Variants in MRTFB observed in about 807,000 individuals in gnomAD.
MRTFB encodes the protein myocardin-related transcription factor B.
In MRTFB, 29 loss-of-function variants were observed where a neutral mutation model predicts 104.2. The ratio of observed to expected loss-of-function variants is 0.28; its 90% CI spans 0.21 to 0.38. MRTFB has a LOEUF of 0.38. Ranked by LOEUF, MRTFB falls within the 10% of genes least tolerant of loss-of-function variation. The probability of loss-of-function intolerance (pLI) is 1.00; values close to 1 mark genes in which losing one functional copy is unlikely to be tolerated. For missense variants in MRTFB, 1,270 were observed against 1,341.6 expected, an observed-to-expected ratio of 0.95 and a Z score of 0.83; for synonymous variants, 535 against 519.5, an observed-to-expected ratio of 1.03 and a Z score of -0.41.
intron 3 of MRTFB, chr16:14,141,232 AT>A (rs1567374567): frequency 6.4e-6 from 1 of 155,114 alleles, no homozygotes; most frequent in African/African-American, 2.4e-5. Context: ...GGTATTGGAT[AT>A]AGTCATATTC....
chr16:14,047,037 G>A, the MRTFB span, among the ~76,000 whole-genome samples: 1 of 152,210 alleles, frequency 6.6e-6, no homozygotes, highest in Admixed American at 6.5e-5. Flanking sequence ...AGCGGCTGGA[G>A]ATGTGGTTGT....
At chr16:14,034,062 T>G in the MRTFB span, among the ~76,000 whole-genome samples, 1 of 152,134 alleles carries the variant, frequency 6.6e-6, no homozygotes, top group Non-Finnish European at 1.5e-5. Context: ...CCAGAGCTCC[T>G]AGGGCTCTGC....
At chr16:14,023,612 TACATATACATATAC>T in the MRTFB span, among the ~76,000 whole-genome samples, 2 of 48,064 alleles carry the variant, frequency 4.2e-5, no homozygotes, top group African/African-American at 8.3e-5. Context: ...CACACACACA[TACATATACATATAC>T]ATATACATAT....
At chr16:14,015,408 T>A in the MRTFB span, among the ~76,000 whole-genome samples, 5 of 152,050 alleles carry the variant, frequency 3.3e-5, no homozygotes, top group Non-Finnish European at 7.4e-5. Flanking sequence ...CCCTTCCTCC[T>A]CTCCCTGCAT....
intron 9 of MRTFB, 139 bp downstream of exon 9, chr16:14,234,422 A>C: frequency 1.0e-6 from 1 of 1,004,108 alleles, no homozygotes; most frequent in Non-Finnish European, 1.4e-6. Context: ...TAAGCCATGC[A>C]AAGACTTGCT....
chr16:14,145,858 G>A (rs2038284440), intron 3 of MRTFB, among the ~76,000 whole-genome samples: 1 of 152,192 alleles, frequency 6.6e-6, no homozygotes, highest in Non-Finnish European at 1.5e-5. Context: ...TGTTTAAATT[G>A]GAAAAGCTCA....
At chr16:14,074,302 G>A (rs987452242) in intron 1 of MRTFB, among the ~76,000 whole-genome samples, 19 of 152,090 alleles carry the variant, frequency 1.2e-4, no homozygotes, top group African/African-American at 4.6e-4. Flanking sequence ...TTGTTCCAGG[G>A]TAAAAGAGGT....
chr16:14,028,485 G>A, the MRTFB span, among the ~76,000 whole-genome samples: 1 of 152,174 alleles, frequency 6.6e-6, no homozygotes, highest in East Asian at 1.9e-4. Context: ...TGCTAGGACT[G>A]GGAAGGGACA....
the MRTFB span, among the ~76,000 whole-genome samples, chr16:14,033,805 C>CAG: frequency 6.9e-6 from 1 of 145,938 alleles, no homozygotes; most frequent in Non-Finnish European, 1.5e-5. Flanking sequence ...CACTGCACTC[C>CAG]AGCCTGGGCG....
At chr16:14,249,410 C>A (rs1369994221) in intron 13 of MRTFB, among the ~76,000 whole-genome samples, 2 of 152,124 alleles carry the variant, frequency 1.3e-5, no homozygotes, top group Non-Finnish European at 2.9e-5. Flanking sequence ...ATTAAACATA[C>A]TGTGGAAAAA....
rs1257498832 is a variant in MRTFB, at chr16:14,258,132, A to G, written c.2735A>G (p.Asp912Gly). The G allele has an allele frequency of 6.2e-7, 1 of 1,613,978 alleles. No individual in the cohort carries two copies. The highest frequency in any genetic ancestry group is 2.2e-5 in the East Asian group (1 of 44,862). The part of the protein sequence containing the change: ...ISNAHSQQMD[D>G]LFDILIKSGE... Reference sequence around the variant, plus strand: ...AACGCTCACAGTCAGCAGATGGATGACCTCTTTGATATCCTCATTAAGAGT... The same window carrying G: ...AACGCTCACAGTCAGCAGATGGATGGCCTCTTTGATATCCTCATTAAGAGT... The change falls in exon 16 of 17, where the codon GAC (aspartate) becomes GGC (glycine). Residue 912 changes from aspartate to glycine, a missense_variant. Asp to Gly is a moderately conservative substitution (Grantham distance 94). This residue lies in a region of MRTFB where 1,144 missense variants were observed against 1,131.5 expected (regional missense o/e 1.01). Coordinates refer to ENST00000571589, the MANE Select transcript of MRTFB (RefSeq NM_001308142.2).
chr16:13,996,710 A>T, the MRTFB span, among the ~76,000 whole-genome samples: 1 of 152,240 alleles, frequency 6.6e-6, no homozygotes, highest in East Asian at 1.9e-4. Context: ...TCAAGGGGCC[A>T]TGTGAGAGTC....
chr16:14,265,664 C>T lies in MRTFB; in HGVS notation c.*4220C>T, dbSNP rs1349448757. 1 of 152,000 alleles carries T rather than the reference C, an allele frequency of 6.6e-6. No homozygotes were observed. The highest frequency in any genetic ancestry group is 2.4e-5 in the African/African-American group (1 of 41,258). 9.4% of individuals were successfully genotyped at this position (152,000 alleles called of 1,614,324 possible). A position where few individuals can be genotyped will look rare whatever the true frequency, so the allele number is the denominator to read the frequency against. ...CTTTCTTGCAGTATCCAGGGAAACA[C>T]ATCATTACAAAGGGTTTCTACCTGA... On this transcript the variant is annotated 3_prime_UTR_variant, in exon 17 of 17. Transcript: ENST00000571589.
intron 3 of MRTFB, among the ~76,000 whole-genome samples, chr16:14,179,048 C>G (rs1363476487): frequency 6.6e-6 from 1 of 152,144 alleles, no homozygotes; most frequent in Admixed American, 6.5e-5. Flanking sequence ...AGCCAGATGA[C>G]TTAATTTTTG....
chr16:14,093,243 ATT>A (rs59073217), intron 2 of MRTFB, among the ~76,000 whole-genome samples: 4,305 of 146,024 alleles, frequency 0.029, 217 homozygotes, highest in African/African-American at 0.1. Context: ...TGAGAGATGG[ATT>A]TTTTTTTTTT....
intron 2 of MRTFB, among the ~76,000 whole-genome samples, chr16:14,106,127 G>A (rs933223307): frequency 1.3e-5 from 2 of 152,196 alleles, no homozygotes; most frequent in South Asian, 2.1e-4. Flanking sequence ...AGAAACCTGG[G>A]AATGGAGGTG....
intron 3 of MRTFB, among the ~76,000 whole-genome samples, chr16:14,202,412 G>A (rs1281677915): frequency 1.3e-5 from 2 of 152,080 alleles, no homozygotes; most frequent in African/African-American, 4.8e-5. Flanking sequence ...TTATAAAACA[G>A]GGATTCTTAA....
chr16:14,129,552 G>T (rs2142404855), intron 2 of MRTFB, among the ~76,000 whole-genome samples: 1 of 152,198 alleles, frequency 6.6e-6, no homozygotes, highest in East Asian at 1.9e-4. Flanking sequence ...TTTCTCTTTG[G>T]TAGATACGTA....
At chr16:14,149,864 T>C (rs1428678074) in intron 3 of MRTFB, among the ~76,000 whole-genome samples, 1 of 152,220 alleles carries the variant, frequency 6.6e-6, no homozygotes, top group African/African-American at 2.4e-5. Flanking sequence ...GAAGGAGGGC[T>C]GTAGAGTTAA....
Sources: allele counts gnomAD v4.1 joint callset (sites outside exome capture counted in the v4.1 genomes callset), GRCh38; gene constraint gnomAD v4.1.1; regional missense constraint gnomAD v4.1.1; transcripts MANE v1.5; gene names NCBI Gene and HGNC (gene_info 2026-07-23, HGNC 2026-07-21).